Variants in TRPM5 observed in about 807,000 individuals in gnomAD.
The protein encoded by TRPM5 is MLSN1 and TRP-related.
TRPM5 carries 121 observed loss-of-function variants against 124.9 expected under a neutral mutation model. The observed-to-expected ratio is 0.97, with a 90% CI of 0.84 to 1.13. The LOEUF is 1.13. TRPM5 is among the 50% of genes most tolerant of loss of function. TRPM5 has a pLI of 0.00. For synonymous variants in TRPM5, 781 were observed against 700.5 expected (o/e 1.11, Z -1.81); for missense variants, 1,643 against 1,589.1 (o/e 1.03, Z -0.58).
intron 18 of TRPM5, among the ~76,000 whole-genome samples, chr11:2,410,373 CGTT>C (rs1192827719): frequency 3.3e-5 from 5 of 152,202 alleles, no homozygotes; most frequent in Non-Finnish European, 7.3e-5. Context: ...CTGGGCAGCA[CGTT>C]GTGCCATGAC....
At chr11:2,410,985 C>T (rs1384690966) in intron 18 of TRPM5, among the ~76,000 whole-genome samples, 1 of 152,126 alleles carries the variant, frequency 6.6e-6, no homozygotes, top group Non-Finnish European at 1.5e-5. Context: ...CCACTCTGTG[C>T]CCTTAGTGCC....
intron 8 of TRPM5, 99 bp from the exon 14 acceptor site, chr11:2,415,570 C>G: frequency 5.9e-6 from 5 of 845,188 alleles, no homozygotes; most frequent in Non-Finnish European, 9.0e-6. Flanking sequence ...GCATGGGGAT[C>G]CATCCCCAGG....
intron 4 of TRPM5, among the ~76,000 whole-genome samples, chr11:2,419,642 A>G (rs1324630142): frequency 6.7e-6 from 1 of 149,754 alleles, no homozygotes; most frequent in East Asian, 1.9e-4. Context: ...AAAAAAAAAC[A>G]GAGGGCTCAG....
chr11:2,416,651 C>T (rs1845686961), intron 7 of TRPM5, among the ~76,000 whole-genome samples: 1 of 152,142 alleles, frequency 6.6e-6, no homozygotes, highest in Non-Finnish European at 1.5e-5. Context: ...ACCTCCTTGT[C>T]CTGGTGAGGT....
upstream of TRPM5, among the ~76,000 whole-genome samples, chr11:2,423,714 C>T (rs1191974504): frequency 2.0e-5 from 3 of 152,300 alleles, no homozygotes; most frequent in South Asian, 2.1e-4. Context: ...AGGCCGCGTG[C>T]GCCTCAGCCC....
At chr11:2,405,937 G>T in intron 22 of TRPM5, 82 bp downstream of exon 27, 2 of 1,269,666 alleles carry the variant, frequency 1.6e-6, no homozygotes, top group East Asian at 2.3e-5. Flanking sequence ...GTGAGTGACC[G>T]GGCAGGGCTG....
chr11:2,407,811 A>AGGTGACCAGCAGGAG (rs1484827965), exon 19 of TRPM5: 1 of 1,613,828 alleles, frequency 6.2e-7, no homozygotes, highest in African/African-American at 1.3e-5. Flanking sequence ...ACCAACAGGA[A>AGGTGACCAGCAGGAG]GGTGACCAGC....
chr11:2,411,249 T>C, intron 18 of TRPM5, 103 bp downstream of exon 23: 1 of 1,343,634 alleles, frequency 7.4e-7, no homozygotes, highest in Non-Finnish European at 9.9e-7. Flanking sequence ...GGCTGGGGTC[T>C]CCATGGCCCC....
At chr11:2,425,275 G>A (rs1477265542), upstream of TRPM5, among the ~76,000 whole-genome samples, 3 of 152,212 alleles carry the variant, frequency 2.0e-5, no homozygotes, top group Non-Finnish European at 2.9e-5. Context: ...GCATCGGCAG[G>A]GCCGTGCTCC....
At chr11:2,420,118 G>A in intron 4 of TRPM5, 104 bp downstream of exon 9, 1 of 1,354,740 alleles carries the variant, frequency 7.4e-7, no homozygotes, top group Non-Finnish European at 1.0e-6. Context: ...TGCCTGGGAA[G>A]CCCTCCCCCT....
In TRPM5 at chr11:2,416,100, G is replaced by A; in HGVS notation, c.1010-76C>T. On this transcript the variant is annotated intron_variant, in intron 7 of 23. Coordinates refer to ENST00000155858, the Ensembl canonical transcript of TRPM5. ...AGAGCCGGGGCACAGGGTCCCCAAAGGTGCGCTGCCTAGAGACGCGGAAAC... is the reference window on the plus strand; with the variant it reads ...AGAGCCGGGGCACAGGGTCCCCAAAAGTGCGCTGCCTAGAGACGCGGAAAC... 3 of 1,117,426 alleles carry A rather than the reference G, an allele frequency of 2.7e-6. No individual in the cohort carries two copies. In the South Asian group the frequency reaches 4.2e-5, roughly 16 times the overall value. The allele number at this position is 1,117,426 out of a possible 1,614,324, so 69.2% of individuals were successfully genotyped here.
intron 21 of TRPM5, 151 bp downstream of exon 26, chr11:2,406,510 G>A: frequency 9.2e-7 from 1 of 1,091,966 alleles, no homozygotes; most frequent in African/African-American, 1.6e-5. Flanking sequence ...AGGTCAGGCT[G>A]GAAAGCTAGG....
At chr11:2,437,477 G>T in the TRPM5 span, among the ~76,000 whole-genome samples, 4 of 152,194 alleles carry the variant, frequency 2.6e-5, no homozygotes, top group Non-Finnish European at 5.9e-5. The surrounding 1 kb of genome is among the most constrained non-coding windows in gnomAD (Gnocchi z 5.6). Flanking sequence ...AAGGCCTCTT[G>T]TGCAGTGTGT....
chr11:2,417,106 G>T (rs1194676377), intron 7 of TRPM5, among the ~76,000 whole-genome samples: 1 of 152,174 alleles, frequency 6.6e-6, no homozygotes, highest in Non-Finnish European at 1.5e-5. Flanking sequence ...GGCGATGAAG[G>T]CTTCTGGAAT....
intron 18 of TRPM5, among the ~76,000 whole-genome samples, chr11:2,409,727 A>G (rs1589867102): frequency 6.6e-6 from 1 of 152,014 alleles, no homozygotes; most frequent in Non-Finnish European, 1.5e-5. Context: ...AACGGAGCCC[A>G]AGGAATTGCA....
chr11:2,440,072 T>G, the TRPM5 span, among the ~76,000 whole-genome samples: 1,371 of 152,236 alleles, frequency 9.0e-3, 22 homozygotes, highest in African/African-American at 0.03. The surrounding 1 kb of genome is among the most constrained non-coding windows in gnomAD (Gnocchi z 5.2). Flanking sequence ...GCAAATTAAC[T>G]GAGGAACGGA....
In TRPM5 at chr11:2,422,239, A is replaced by G. The variant is rs1186704453; in HGVS notation, c.200T>C (p.Leu67Pro). The change falls in exon 2 of 24, where the codon CTG (leucine) becomes CCG (proline). Residue 67 changes from leucine to proline, a missense_variant. By Grantham distance (98) the Leu-to-Pro change is moderately conservative. Transcript: ENST00000155858. ...CTCCTCACCCACCAGGGACACCACC[A>G]GGTTGGGGGCCGGCAGGTGCCACTC... 6.2e-7 allele frequency: 1 copy of G among 1,612,228 alleles called. No homozygotes were observed. The highest frequency in any genetic ancestry group is 1.3e-5 in the African/African-American group (1 of 74,808).
At chr11:2,417,701 G>GCCTTGGGCCCCCCCCCCCCCCCCCCC in intron 7 of TRPM5, 26 bp downstream of exon 12, 1 of 1,346,746 alleles carries the variant, frequency 7.4e-7, no homozygotes, top group Non-Finnish European at 1.0e-6. Flanking sequence ...AATGGCGCCT[G>GCCTTGGGCCCCCCCCCCCCCCCCCCC]CCTTGCCCAC....
In TRPM5 at chr11:2,407,168, C is replaced by T. The variant is rs545338658; in HGVS notation, c.3069G>A (p.Thr1023=). Reference sequence around the variant, plus strand: ...CCTCCTTCTTGAAGACCCGGCGGAGCGTCAGGCTCAGGTGGCTGAGCAGGA... The same window carrying T: ...CCTCCTTCTTGAAGACCCGGCGGAGTGTCAGGCTCAGGTGGCTGAGCAGGA... The change falls in exon 20 of 24, where the codon ACG becomes ACA. Residue 1023 remains threonine (T), a synonymous_variant. Coordinates refer to ENST00000155858, the Ensembl canonical transcript of TRPM5. The T allele has an allele frequency of 3.4e-5, 55 of 1,611,010 alleles. No homozygotes were observed. In the East Asian group the frequency reaches 6.5e-4, roughly 19 times the overall value.
Sources: gnomAD v4.1 joint callset for allele counts (sites outside exome capture counted in the v4.1 genomes callset) on GRCh38, gnomAD v4.1.1 for gene constraint, Gnocchi (gnomAD v3.1) non-coding constraint, MANE v1.5 for transcripts, NCBI Gene and HGNC (gene_info 2026-07-23, HGNC 2026-07-21) for gene names.